PTPRN2: variants seen among roughly 807,000 people sequenced by gnomAD.
The protein encoded by PTPRN2 is receptor-type tyrosine-protein phosphatase N2.
A neutral mutation model predicts 118.8 loss-of-function variants in PTPRN2; 74 were observed. The observed-to-expected ratio is 0.62, with a 90% confidence interval of 0.52 to 0.76. The LOEUF is 0.76. Ranked by LOEUF, PTPRN2 falls within the 30% of genes least tolerant of loss-of-function variation. The pLI, the probability that PTPRN2 is intolerant of heterozygous loss-of-function variation, is 0.00. For missense variants in PTPRN2, 1,481 were observed against 1,394.4 expected (o/e 1.06, Z -0.99); for synonymous variants, 641 against 608.0 (o/e 1.05, Z -0.80).
intron 12 of PTPRN2, among the ~76,000 whole-genome samples, chr7:157,723,021 C>T (rs1481279503): frequency 6.6e-6 from 1 of 152,174 alleles, no homozygotes; most frequent in African/African-American, 2.4e-5. Flanking sequence ...TCCCGGAAAC[C>T]CAGACTCTCA....
chr7:158,160,766 A>C (rs1822287966), intron 6 of PTPRN2, among the ~76,000 whole-genome samples: 3 of 152,208 alleles, frequency 2.0e-5, no homozygotes, highest in Non-Finnish European at 4.4e-5. Flanking sequence ...TGTCTTCATA[A>C]ACACAGTTCA....
At chr7:157,889,630 A>G (rs941423937) in intron 12 of PTPRN2, among the ~76,000 whole-genome samples, 4 of 152,208 alleles carry the variant, frequency 2.6e-5, no homozygotes, top group African/African-American at 9.6e-5. Flanking sequence ...TTAGCTGACC[A>G]TGCATGCCCG....
chr7:157,659,306 G>C (rs534142276), intron 13 of PTPRN2, among the ~76,000 whole-genome samples: 105 of 122,846 alleles, frequency 8.5e-4, no homozygotes, highest in Non-Finnish European at 1.5e-3. Flanking sequence ...CTGCGGGGAC[G>C]GGGGGGGATG....
intron 13 of PTPRN2, among the ~76,000 whole-genome samples, chr7:157,663,991 T>C (rs980576156): frequency 2.6e-5 from 4 of 152,138 alleles, no homozygotes; most frequent in African/African-American, 7.2e-5. Context: ...AGGTTATAAT[T>C]TGGGACATTT....
intron 9 of PTPRN2, among the ~76,000 whole-genome samples, chr7:158,131,555 T>C (rs1373702853): frequency 2.8e-4 from 27 of 94,778 alleles, no homozygotes; most frequent in African/African-American, 1.1e-3. Context: ...ACATACAAAC[T>C]GATACACAGC....
intron 3 of PTPRN2, among the ~76,000 whole-genome samples, chr7:158,252,260 C>A (rs957441192): frequency 2.6e-5 from 4 of 152,176 alleles, no homozygotes; most frequent in Non-Finnish European, 4.4e-5. Context: ...AGAATCAGAG[C>A]AGTCGCAGAA....
chr7:157,914,451 G>C (rs1418111629), intron 11 of PTPRN2, among the ~76,000 whole-genome samples: 1 of 152,148 alleles, frequency 6.6e-6, no homozygotes, highest in African/African-American at 2.4e-5. Flanking sequence ...AACTCTGCCA[G>C]AATACTTATG....
At position 157,627,826 on chromosome 7, in the gene PTPRN2, C is replaced by T. The variant is rs906738438; in HGVS notation, c.2197-6317G>A. Among the ~76,000 whole-genome samples, 3 of 151,618 alleles carry T rather than the reference C, an allele frequency of 2.0e-5. No individual in the cohort carries two copies. The highest frequency in any genetic ancestry group is 6.6e-5 in the Admixed American group (1 of 15,238). On this transcript the variant is annotated intron_variant, in intron 14 of 22. Coordinates refer to ENST00000389418, the MANE Select transcript of PTPRN2 (RefSeq NM_002847.5). The surrounding 1 kb of genome is among the most constrained non-coding windows in gnomAD (Gnocchi z 4.2). The stretch of plus-strand genomic sequence containing the variant: ...GGTGTTGCCAACATTCACTATCTGA[C>T]GTAGATCCCAGAGCACACGACATCC...
At chr7:157,925,648 C>G (rs1222968180) in intron 11 of PTPRN2, among the ~76,000 whole-genome samples, 3 of 152,130 alleles carry the variant, frequency 2.0e-5, no homozygotes, top group African/African-American at 7.2e-5. Context: ...CTCAGATGGG[C>G]AGCACACCCA....
At chr7:158,345,627 G>C (rs962539926) in intron 2 of PTPRN2, among the ~76,000 whole-genome samples, 6 of 152,182 alleles carry the variant, frequency 3.9e-5, no homozygotes, top group Non-Finnish European at 8.8e-5. Context: ...ACTCATCCCA[G>C]GTGGGGAAAC....
At chr7:157,846,341 G>C (rs931084633) in intron 12 of PTPRN2, among the ~76,000 whole-genome samples, 1 of 152,104 alleles carries the variant, frequency 6.6e-6, no homozygotes, top group African/African-American at 2.4e-5. Context: ...AGAACAGTCC[G>C]TTTCTCCTTC....
chr7:157,621,600 C>T (rs972342169), intron 14 of PTPRN2, 91 bp from the exon 15 acceptor site: 293 of 1,521,220 alleles, frequency 1.9e-4, no homozygotes, highest in Middle Eastern at 3.4e-4. Flanking sequence ...TTGCACTCGC[C>T]GCGTGGGCCA....
At chr7:158,107,964 C>T (rs943434883) in intron 10 of PTPRN2, among the ~76,000 whole-genome samples, 1 of 151,812 alleles carries the variant, frequency 6.6e-6, no homozygotes, top group African/African-American at 2.4e-5. Flanking sequence ...CTTGATGCAC[C>T]TGCCCCCTCC....
intron 1 of PTPRN2, among the ~76,000 whole-genome samples, chr7:158,530,542 CG>C (rs35779034): frequency 7.6e-4 from 115 of 151,592 alleles, no homozygotes; most frequent in African/African-American, 2.6e-3. Flanking sequence ...TAGAGCAAGG[CG>C]GGGGGGGTTC....
intron 12 of PTPRN2, among the ~76,000 whole-genome samples, chr7:157,720,930 G>C (rs972769166): frequency 5.3e-5 from 8 of 152,166 alleles, no homozygotes; most frequent in African/African-American, 1.9e-4. Flanking sequence ...AAAGCCCCTC[G>C]CGAGTTGAGG....
intron 3 of PTPRN2, among the ~76,000 whole-genome samples, chr7:158,278,594 G>C (rs1310367927): frequency 6.6e-6 from 1 of 152,250 alleles, no homozygotes; most frequent in East Asian, 1.9e-4. Context: ...GATGTAGATG[G>C]ACATGTTGTG....
chr7:157,542,524 G>A (rs1423313549), intron 22 of PTPRN2, among the ~76,000 whole-genome samples: 2 of 151,128 alleles, frequency 1.3e-5, no homozygotes, highest in South Asian at 2.1e-4. Flanking sequence ...TGCTAATCCT[G>A]CAGAGCTGCC....
At chr7:158,112,321 TGAA>T (rs1389059252) in intron 9 of PTPRN2, among the ~76,000 whole-genome samples, 1 of 152,162 alleles carries the variant, frequency 6.6e-6, no homozygotes, top group Non-Finnish European at 1.5e-5. Flanking sequence ...GGGCCCCGTT[TGAA>T]CAGAGGTGAA....
chr7:157,683,948 G>C (rs1291037519), intron 12 of PTPRN2, among the ~76,000 whole-genome samples: 1 of 152,044 alleles, frequency 6.6e-6, no homozygotes, highest in Non-Finnish European at 1.5e-5. Context: ...ACCTAATTTC[G>C]CGTGGTAACA....
Sources: gnomAD v4.1 joint callset for allele counts (sites outside exome capture counted in the v4.1 genomes callset) on GRCh38, gnomAD v4.1.1 for gene constraint, Gnocchi (gnomAD v3.1) non-coding constraint, MANE v1.5 for transcripts, NCBI Gene and HGNC (gene_info 2026-07-23, HGNC 2026-07-21) for gene names.